SEH1L: variants seen among roughly 807,000 people sequenced by gnomAD.
SEH1L encodes the protein nucleoporin SEH1.
SEH1L carries 18 observed loss-of-function variants against 49.5 expected under a neutral mutation model. The observed-to-expected ratio is 0.36, with a 90% CI of 0.25 to 0.54. SEH1L has a LOEUF of 0.54. Among genes scored for constraint, SEH1L ranks in the 20% least tolerant of loss-of-function variants. The pLI is 0.87. For synonymous variants in SEH1L, 169 were observed against 178.1 expected (o/e 0.95, Z 0.41); for missense variants, 404 against 528.8 (o/e 0.76, Z 2.31).
At chr18:12,949,533 A>G (rs1172678560) in intron 1 of SEH1L, among the ~76,000 whole-genome samples, 1 of 133,336 alleles carries the variant, frequency 7.5e-6, no homozygotes, top group African/African-American at 3.0e-5. Flanking sequence ...GCTCACTGCA[A>G]GCTCCGCCTC....
intron 6 of SEH1L, among the ~76,000 whole-genome samples, chr18:12,979,545 A>G (rs1468268540): frequency 1.3e-5 from 2 of 151,974 alleles, no homozygotes; most frequent in Admixed American, 6.6e-5. Context: ...CCACAAAACC[A>G]CCATTGTCAT....
At chr18:12,957,084 T>C (rs1040072601) in intron 3 of SEH1L, among the ~76,000 whole-genome samples, 1 of 149,792 alleles carries the variant, frequency 6.7e-6, no homozygotes, top group African/African-American at 2.5e-5. Flanking sequence ...AAAAAAATTC[T>C]ATAAAAATTG....
intron 6 of SEH1L, among the ~76,000 whole-genome samples, chr18:12,979,472 C>T (rs918110922): frequency 2.0e-5 from 3 of 151,732 alleles, no homozygotes; most frequent in African/African-American, 7.3e-5. Context: ...CTACTTCTTT[C>T]TACACAGACA....
At chr18:12,948,420 C>T (rs1030847961) in intron 1 of SEH1L, 188 bp downstream of exon 1, 2 of 473,476 alleles carry the variant, frequency 4.2e-6, no homozygotes, top group South Asian at 6.1e-5. Flanking sequence ...GGCGGCCTCG[C>T]GGGCCGCCCT....
intron 3 of SEH1L, among the ~76,000 whole-genome samples, chr18:12,961,791 C>T (rs2031188890): frequency 6.6e-6 from 1 of 151,994 alleles, no homozygotes; most frequent in Non-Finnish European, 1.5e-5. Flanking sequence ...CTTAGCCTCT[C>T]TAGTAGCTGG....
intron 4 of SEH1L, among the ~76,000 whole-genome samples, chr18:12,970,472 G>C (rs2031649504): frequency 6.6e-6 from 1 of 152,238 alleles, no homozygotes; most frequent in Non-Finnish European, 1.5e-5. Flanking sequence ...CCAGGCTAGA[G>C]TGCAGTGGCA....
intron 7 of SEH1L, 36 bp from the exon 8 acceptor site, chr18:12,984,004 T>TAATCAGTGG: frequency 6.4e-7 from 1 of 1,569,008 alleles, no homozygotes; most frequent in Non-Finnish European, 8.8e-7. Flanking sequence ...GCATTGGTAT[T>TAATCAGTGG]AATCATGTTA....
At chr18:12,958,688 T>C (rs2031023479) in intron 3 of SEH1L, among the ~76,000 whole-genome samples, 1 of 152,212 alleles carries the variant, frequency 6.6e-6, no homozygotes, top group South Asian at 2.1e-4. Flanking sequence ...CTTTATTCCT[T>C]TTTATGGCTG....
intron 4 of SEH1L, among the ~76,000 whole-genome samples, chr18:12,967,894 A>G (rs961026951): frequency 1.3e-5 from 2 of 152,080 alleles, no homozygotes; most frequent in Non-Finnish European, 2.9e-5. Flanking sequence ...AGCCTGGGCA[A>G]CAGAGCGAGA....
intron 5 of SEH1L, chr18:12,971,523 A>G (rs2031698340): frequency 4.9e-6 from 1 of 206,020 alleles, no homozygotes; most frequent in Non-Finnish European, 9.9e-6. Flanking sequence ...AATCCCAGCT[A>G]CTCGGGAGGC....
chr18:12,974,089 A>AATGCCAGACACTT (rs2031813238), intron 5 of SEH1L: 1 of 152,186 alleles, frequency 6.6e-6, no homozygotes, highest in African/African-American at 2.4e-5. Flanking sequence ...TGTTGGGGAA[A>AATGCCAGACACTT]GAGTGTCTGC....
At chr18:12,980,915 G>C (rs1352029079) in intron 6 of SEH1L, among the ~76,000 whole-genome samples, 2 of 149,224 alleles carry the variant, frequency 1.3e-5, no homozygotes, top group African/African-American at 2.5e-5. Flanking sequence ...CTGGCCGGGC[G>C]GGGGGCTGAC....
intron 6 of SEH1L, among the ~76,000 whole-genome samples, chr18:12,979,864 G>A (rs2032104634): frequency 7.0e-6 from 1 of 142,808 alleles, no homozygotes; most frequent in African/African-American, 2.6e-5. Context: ...GCGGCTGGCC[G>A]GGCGGGGGGC....
chr18:12,975,662 G>C (rs2031889190), intron 5 of SEH1L: 2 of 980,322 alleles, frequency 2.0e-6, no homozygotes, highest in African/African-American at 3.5e-5. Flanking sequence ...TGCCAAGTCT[G>C]ATCTCTATCC....
At chr18:12,955,329 C>T (rs1227791285) in intron 2 of SEH1L, 134 bp from the exon 3 acceptor site, 4 of 767,244 alleles carry the variant, frequency 5.2e-6, no homozygotes. Flanking sequence ...GTTTTCTTCT[C>T]TCATAGAAGT....
In SEH1L at chr18:12,971,154, T is replaced by A. The variant is rs774180018; in HGVS notation, c.523T>A (p.Ser175Thr). Residue 175 changes from serine (S) to threonine (T), a missense_variant and splice_region_variant, in exon 5 of 9, where the codon TCT becomes ACT. Physicochemically the swap from Ser to Thr is moderately conservative, Grantham distance 58 (BLOSUM62 1). Transcript: ENST00000399892. Reference protein sequence around the residue: ...CSCISWNPSSSRAHSPMIAVG... With the variant: ...CSCISWNPSSTRAHSPMIAVG... Reference sequence around the variant, plus strand: ...AATGTTCTTTCTCCCCGTTTCTAGCTCTCGTGCTCATTCCCCCATGATCGC... The same window carrying A: ...AATGTTCTTTCTCCCCGTTTCTAGCACTCGTGCTCATTCCCCCATGATCGC... The A allele has an allele frequency of 6.2e-7, 1 of 1,608,768 alleles. No homozygotes were observed. Among genetic ancestry groups the A allele is most frequent in the South Asian group, 1.1e-5 (1 of 90,904 alleles).
chr18:12,957,442 T>A (rs1163789409), intron 3 of SEH1L, among the ~76,000 whole-genome samples: 1 of 148,486 alleles, frequency 6.7e-6, no homozygotes, highest in Non-Finnish European at 1.5e-5. Context: ...AAAAAAAAAA[T>A]ACACTCTCCT....
intron 6 of SEH1L, 137 bp from the exon 7 acceptor site, chr18:12,982,381 A>T: frequency 1.7e-6 from 1 of 581,934 alleles, no homozygotes; most frequent in Non-Finnish European, 2.9e-6. Flanking sequence ...AGATGTGCAC[A>T]TTATTATAAA....
chr18:12,975,440 A>G (rs891044520), intron 5 of SEH1L, among the ~76,000 whole-genome samples: 27 of 152,128 alleles, frequency 1.8e-4, no homozygotes, highest in African/African-American at 5.8e-4. Context: ...CCTGCTAGAG[A>G]TGGCAGCACA....
Sources: gnomAD v4.1 joint callset for allele counts (sites outside exome capture counted in the v4.1 genomes callset) on GRCh38, gnomAD v4.1.1 for gene constraint, MANE v1.5 for transcripts, NCBI Gene and HGNC (gene_info 2026-07-23, HGNC 2026-07-21) for gene names.